The following CACNA1C variants were observed in gnomAD, a reference collection of about 807,000 sequenced individuals.
CACNA1C encodes voltage-dependent L-type calcium channel subunit alpha-1C.
A neutral mutation model predicts 229.0 loss-of-function variants in CACNA1C; 30 were observed. The observed-to-expected ratio is 0.13, with a 90% CI of 0.10 to 0.18. CACNA1C has a LOEUF of 0.18. Among genes scored for constraint, CACNA1C ranks in the 10% least tolerant of loss-of-function variants. The probability of loss-of-function intolerance (pLI) is 1.00; values close to 1 mark genes in which losing one functional copy is unlikely to be tolerated. For missense variants in CACNA1C, 1,658 were observed against 2,845.0 expected (o/e 0.58, Z 9.49); for synonymous variants, 1,114 against 1,132.5 (o/e 0.98, Z 0.33).
chr12:2,691,281 G>A lies in CACNA1C; in HGVS notation c.*82G>A. 1 of 1,304,010 alleles carries A rather than the reference G, an allele frequency of 7.7e-7. No homozygotes were observed. The highest frequency in any genetic ancestry group is 1.0e-6 in the Non-Finnish European group (1 of 979,556). The allele number at this position is 1,304,010 out of a possible 1,614,324, so 80.8% of individuals were successfully genotyped here. A position where few individuals can be genotyped will look rare whatever the true frequency, so the allele number is the denominator to read the frequency against. ...GTTTCAGAAGTGCCTCACTGTTCTC[G>A]TGACCTGGAGTTAACCGGAACAGCG... On this transcript the variant is annotated 3_prime_UTR_variant, in exon 47 of 47. Coordinates refer to ENST00000399655, the MANE Select transcript of CACNA1C (RefSeq NM_000719.7).
At chr12:2,626,043 A>G (rs1404378715) in intron 29 of CACNA1C, among the ~76,000 whole-genome samples, 1 of 152,256 alleles carries the variant, frequency 6.6e-6, no homozygotes, top group African/African-American at 2.4e-5. Context: ...GGCACAGAGA[A>G]GTTAGGTAAC....
At position 2,488,103 on chromosome 12, in the gene CACNA1C, C is replaced by T. The variant is rs148090570; in HGVS notation, c.916+1841C>T. On this transcript the variant is annotated intron_variant, in intron 6 of 46. Coordinates refer to ENST00000399655, the MANE Select transcript of CACNA1C (RefSeq NM_000719.7). The surrounding 1 kb of genome is among the most constrained non-coding windows in gnomAD (Gnocchi z 4.0). ...GAGCGAAATGGTAGAATTCAGCCATCGAGCCAAAGATGGCGGCCCTGCTGT... is the reference window on the plus strand; with the variant it reads ...GAGCGAAATGGTAGAATTCAGCCATTGAGCCAAAGATGGCGGCCCTGCTGT... Among the ~76,000 whole-genome samples the T allele has an allele frequency of 0.032, 4,865 of 152,294 alleles. 109 individuals carry two copies. The highest frequency in any genetic ancestry group is 0.049 in the Non-Finnish European group (3,348 of 68,020).
intron 3 of CACNA1C, among the ~76,000 whole-genome samples, chr12:2,300,281 G>A (rs1358637627): frequency 6.6e-6 from 1 of 152,208 alleles, no homozygotes; most frequent in Non-Finnish European, 1.5e-5. Flanking sequence ...CTTATGGAGT[G>A]CCTCCTGTTT....
At chr12:2,373,181 G>T (rs1217246173) in intron 3 of CACNA1C, among the ~76,000 whole-genome samples, 2 of 152,162 alleles carry the variant, frequency 1.3e-5, no homozygotes, top group Non-Finnish European at 2.9e-5. Flanking sequence ...GTGCCTTTCA[G>T]CCTTCCTTGG....
chr12:2,470,353 C>T (rs1388012839), intron 5 of CACNA1C, among the ~76,000 whole-genome samples: 1 of 152,004 alleles, frequency 6.6e-6, no homozygotes, highest in Non-Finnish European at 1.5e-5. Context: ...AAAATAATGG[C>T]AATAATAAAG....
Position 2,287,489 on chromosome 12 carries a change from G to A in CACNA1C, c.478-161487G>A, listed in dbSNP as rs1174901709. On this transcript the variant is annotated intron_variant, in intron 3 of 46. Coordinates refer to ENST00000399655, the MANE Select transcript of CACNA1C (RefSeq NM_000719.7). The surrounding 1 kb of genome is among the most constrained non-coding windows in gnomAD (Gnocchi z 4.6). ...GGCCCGAAGAGCAGTTTCAGCCTGC[G>A]TGGTCTTGATGTGGTCTTGGCTGAT... 2.6e-5 allele frequency among the ~76,000 whole-genome samples: 4 copies of A among 152,226 alleles called. No homozygotes were observed. The highest frequency in any genetic ancestry group is 2.0e-4 in the Admixed American group (3 of 15,286).
intron 1 of CACNA1C, among the ~76,000 whole-genome samples, chr12:2,084,338 C>CT (rs1045510121): frequency 1.3e-5 from 2 of 152,174 alleles, no homozygotes; most frequent in African/African-American, 4.8e-5. Flanking sequence ...TTTGAGTGTT[C>CT]TTTTTTATAT....
chr12:2,614,557 A>G (rs1438678010), intron 29 of CACNA1C: 2 of 152,238 alleles, frequency 1.3e-5, no homozygotes, highest in African/African-American at 2.4e-5. Flanking sequence ...ATCCAGCTGG[A>G]TCTGGCCCAA....
chr12:2,601,869 G>T lies in CACNA1C; in HGVS notation c.2869G>T (p.Ala957Ser). ...CTCCCTGCAGATGACTGCTTATGGG[G>T]CTTTCTTGCACAAGGGTTCTTTCTG... ...EIALKMTAYGAFLHKGSFCRN... is the reference protein window; with the variant it reads ...EIALKMTAYGSFLHKGSFCRN... Residue 957 changes from alanine (A) to serine (S), a missense_variant, in exon 22 of 47, where the codon GCT (alanine) becomes TCT (serine). Ala to Ser is a moderately conservative substitution (Grantham distance 99). This residue lies in a region of CACNA1C where 39 missense variants were observed against 143.3 expected (regional missense o/e 0.27). Coordinates refer to ENST00000399655, the MANE Select transcript of CACNA1C (RefSeq NM_000719.7). This position sits in a 1 kb window ranked among gnomAD's most constrained non-coding sequence, Gnocchi z 5.9. The T allele has an allele frequency of 6.2e-7, 1 of 1,613,422 alleles. No individual in the cohort carries two copies.
At position 2,633,741 on chromosome 12, in the gene CACNA1C, ACCT is replaced by A. The variant is rs1461371329; in HGVS notation, c.3829-551_3829-549del. On this transcript the variant is annotated intron_variant, in intron 29 of 46. Transcript: ENST00000399655. The surrounding 1 kb of genome is among the most constrained non-coding windows in gnomAD (Gnocchi z 5.8). Reference sequence around the variant, plus strand: ...AGTATTACTCTGCCCTCCCCAGGAAACCTCCTCATTCCTCCTCCTCTGCCTCGT... The same window carrying A: ...AGTATTACTCTGCCCTCCCCAGGAAACCTCATTCCTCCTCCTCTGCCTCGT... The A allele has an allele frequency of 1.3e-5, 15 of 1,198,246 alleles. No homozygotes were observed. The highest frequency in any genetic ancestry group is 1.7e-5 in the Admixed American group (1 of 58,782). The allele number at this position is 1,198,246 out of a possible 1,614,324, so 74.2% of individuals were successfully genotyped here.
chr12:2,672,464 A>G (rs940804893), intron 38 of CACNA1C, among the ~76,000 whole-genome samples: 3 of 152,244 alleles, frequency 2.0e-5, no homozygotes, highest in Non-Finnish European at 4.4e-5. Flanking sequence ...TCAGTTTAGG[A>G]GACCAGAGAC....
At chr12:2,262,237 GC>G (rs2080558538) in intron 3 of CACNA1C, among the ~76,000 whole-genome samples, 1 of 152,364 alleles carries the variant, frequency 6.6e-6, no homozygotes, top group East Asian at 1.9e-4. Context: ...GTGACAGTCA[GC>G]TGGCACTCCC....
intron 1 of CACNA1C, among the ~76,000 whole-genome samples, chr12:2,040,319 T>G (rs2049869685): frequency 6.6e-6 from 1 of 152,214 alleles, no homozygotes; most frequent in Non-Finnish European, 1.5e-5. Flanking sequence ...AACATCCATC[T>G]TGGTGAGCCT....
chr12:2,515,620 C>T (rs1435668583), intron 9 of CACNA1C, among the ~76,000 whole-genome samples: 4 of 152,136 alleles, frequency 2.6e-5, no homozygotes, highest in African/African-American at 4.8e-5. Context: ...TCCGCTTCTC[C>T]CCTGGGCAGC....
At chr12:2,545,199 C>G (rs1001860342) in intron 9 of CACNA1C, among the ~76,000 whole-genome samples, 1 of 143,570 alleles carries the variant, frequency 7.0e-6, no homozygotes, top group African/African-American at 2.6e-5. Flanking sequence ...GAAGGTGACA[C>G]TTCAAAACAA....
rs2094496925 is a variant in CACNA1C at position 2,647,727 on chromosome 12, T to C, written c.3913-748T>C. 3.3e-5 allele frequency among the ~76,000 whole-genome samples: 5 copies of C among 152,318 alleles called. No homozygotes were observed. The South Asian group carries it at 1.0e-3, about 32-fold the overall frequency. On this transcript the variant is annotated intron_variant, in intron 30 of 46. Transcript: ENST00000399655. This position sits in a 1 kb window ranked among gnomAD's most constrained non-coding sequence, Gnocchi z 4.2. ...TAAATATATGTGGGCAAGGATAGGC[T>C]CTGGGGTCAGCAAGGCCTCTGTCCT...
Position 2,678,483 on chromosome 12 carries a change from A to G in CACNA1C, c.5091+616A>G, listed in dbSNP as rs933187655. On this transcript the variant is annotated intron_variant, in intron 41 of 46. Transcript: ENST00000399655. The surrounding 1 kb of genome is among the most constrained non-coding windows in gnomAD (Gnocchi z 4.1). ...CCAGAATAAGGGGCGTTTATCACTC[A>G]TTTGTGTTGCCTGCCTCACCACGCT... is the stretch of plus-strand genomic sequence containing the variant. 9.9e-5 allele frequency among the ~76,000 whole-genome samples: 15 copies of G among 152,174 alleles called. No homozygotes were observed. The highest frequency in any genetic ancestry group is 3.6e-4 in the African/African-American group (15 of 41,434).
At chr12:2,356,111 A>C (rs978671294) in intron 3 of CACNA1C, among the ~76,000 whole-genome samples, 1 of 152,262 alleles carries the variant, frequency 6.6e-6, no homozygotes, top group African/African-American at 2.4e-5. Context: ...GCAGATCGTT[A>C]GGCAAATGCA....
chr12:2,053,412 G>A lies in CACNA1C; in HGVS notation c.-151G>A, dbSNP rs995056208. On this transcript the variant is annotated 5_prime_UTR_variant, in exon 1 of 47. Coordinates refer to ENST00000399655, the MANE Select transcript of CACNA1C (RefSeq NM_000719.7). The surrounding 1 kb of genome is among the most constrained non-coding windows in gnomAD (Gnocchi z 5.8). ...AATGGGAATCAGGTAATCGTCGGCG[G>A]GGAAGAAGAAACGCTGCAGACCACG... 39 of 1,411,126 alleles carry A rather than the reference G, an allele frequency of 2.8e-5. No individual in the cohort carries two copies. Among genetic ancestry groups the A allele is most frequent in the African/African-American group, 4.4e-5 (3 of 68,416 alleles). The allele number at this position is 1,411,126 out of a possible 1,614,324, so 87.4% of individuals were successfully genotyped here.
Sources: gnomAD v4.1 joint callset for allele counts (sites outside exome capture counted in the v4.1 genomes callset) on GRCh38, gnomAD v4.1.1 for gene constraint, gnomAD v4.1.1 regional missense constraint, Gnocchi (gnomAD v3.1) non-coding constraint, MANE v1.5 for transcripts, NCBI Gene and HGNC (gene_info 2026-07-23, HGNC 2026-07-21) for gene names.